TOM1: variants seen among roughly 807,000 people sequenced by gnomAD.
The protein encoded by TOM1 is target of myb1 membrane trafficking protein, also known as target of Myb protein 1.
Under a neutral mutation model 61.3 loss-of-function variants are expected in TOM1, and 38 were observed. The ratio of observed to expected loss-of-function variants is 0.62; its 90% CI spans 0.48 to 0.81. The LOEUF (loss-of-function observed/expected upper bound fraction) is 0.81, where lower values mean the gene tolerates loss of function less well. Among genes scored for constraint, TOM1 ranks in the 40% least tolerant of loss-of-function variants. TOM1 has a pLI of 0.00. For missense variants in TOM1, 591 were observed against 659.6 expected, an observed-to-expected ratio of 0.90 and a Z score of 1.14; for synonymous variants, 270 against 268.8, an observed-to-expected ratio of 1.00 and a Z score of -0.04.
intron 2 of TOM1, among the ~76,000 whole-genome samples, chr22:35,321,260 G>A (rs1215873855): frequency 1.3e-5 from 2 of 151,990 alleles, no homozygotes; most frequent in African/African-American, 2.4e-5. Flanking sequence ...CCCTTGGGGA[G>A]CATGAGAAGC....
At chr22:35,325,800 C>G (rs1928258872) in intron 6 of TOM1, among the ~76,000 whole-genome samples, 1 of 152,210 alleles carries the variant, frequency 6.6e-6, no homozygotes, top group Non-Finnish European at 1.5e-5. Context: ...CTAAACAAAA[C>G]TAATCTTTGT....
At chr22:35,304,071 G>A (rs928563380) in intron 1 of TOM1, among the ~76,000 whole-genome samples, 8 of 152,154 alleles carry the variant, frequency 5.3e-5, no homozygotes, top group South Asian at 4.1e-4. Flanking sequence ...GACCCTGTGC[G>A]GTTTTGCTAT....
chr22:35,305,550 C>T (rs768363961), intron 1 of TOM1, among the ~76,000 whole-genome samples: 7 of 151,872 alleles, frequency 4.6e-5, no homozygotes, highest in Admixed American at 6.6e-5. Context: ...GTCCCAGCAA[C>T]TTGGGAGGCT....
At chr22:35,337,402 C>T (rs1175259412) in intron 11 of TOM1, among the ~76,000 whole-genome samples, 1 of 152,164 alleles carries the variant, frequency 6.6e-6, no homozygotes, top group Non-Finnish European at 1.5e-5. Context: ...AACCTGACGC[C>T]CCACCTCCCC....
Position 35,338,768 on chromosome 22 carries a change from C to T in TOM1, c.1204C>T (p.Arg402Trp), listed in dbSNP as rs1473157152. 8 of 1,601,084 alleles carry T rather than the reference C, an allele frequency of 5.0e-6. 1 individual carries two copies. The highest frequency in any genetic ancestry group is 1.7e-4 in the Middle Eastern group (1 of 6,036). Residue 402 changes from arginine to tryptophan, a missense_variant, in exon 12 of 15, where the codon CGG becomes TGG. Arg to Trp is a moderately radical substitution (Grantham distance 101). Transcript: ENST00000449058. Reference sequence around the variant, plus strand: ...CGGCCTGGCTGGAGCCCTGGACGCCCGGCAGCAGAGCACTGGCGCGGTAAG... The same window carrying T: ...CGGCCTGGCTGGAGCCCTGGACGCCTGGCAGCAGAGCACTGGCGCGGTAAG... Reference protein sequence around the residue: ...TDGLAGALDARQQSTGAIPVT... With the variant: ...TDGLAGALDAWQQSTGAIPVT...
rs955153093 is a variant in TOM1 at position 35,323,454 on chromosome 22, G to A, written c.367-42G>A. The A allele has an allele frequency of 6.2e-7, 1 of 1,608,794 alleles. No homozygotes were observed. On this transcript the variant is annotated intron_variant, in intron 4 of 14. Coordinates refer to ENST00000449058, the MANE Select transcript of TOM1 (RefSeq NM_005488.3). This position sits in a 1 kb window ranked among gnomAD's most constrained non-coding sequence, Gnocchi z 4.2. Reference sequence around the variant, plus strand: ...GAGTGCCAGGTGGGCAGGCTCACAGGTGAGCTGTGGTTACCGGCTGTGTCC... The same window carrying A: ...GAGTGCCAGGTGGGCAGGCTCACAGATGAGCTGTGGTTACCGGCTGTGTCC...
Position 35,323,928 on chromosome 22 carries a change from GGGTCAGA to G in TOM1, c.648+15_648+21del. ...ACCCCGGAACAGGTAAACGAGCCTGGGGTCAGAACCGTCAGGTCCAGGCAGGTGGGCC... is the reference window on the plus strand; with the variant it reads ...ACCCCGGAACAGGTAAACGAGCCTGGACCGTCAGGTCCAGGCAGGTGGGCC... On this transcript the variant is annotated intron_variant, in intron 6 of 14. Transcript: ENST00000449058. The surrounding 1 kb of genome is among the most constrained non-coding windows in gnomAD (Gnocchi z 4.2). 6.5e-7 allele frequency: 1 copy of G among 1,538,336 alleles called. No individual in the cohort carries two copies. The highest frequency in any genetic ancestry group is 8.8e-7 in the Non-Finnish European group (1 of 1,140,102).
At chr22:35,300,534 G>T (rs1282406256) in intron 1 of TOM1, among the ~76,000 whole-genome samples, 3 of 152,238 alleles carry the variant, frequency 2.0e-5, no homozygotes, top group African/African-American at 7.2e-5. Flanking sequence ...GGACGTGTCC[G>T]CCTGGGCTCT....
intron 2 of TOM1, among the ~76,000 whole-genome samples, chr22:35,320,567 T>C (rs1927682141): frequency 6.6e-6 from 1 of 152,102 alleles, no homozygotes; most frequent in Non-Finnish European, 1.5e-5. Context: ...GGCTCTGACC[T>C]TGACCCAAAC....
At chr22:35,345,879 A>G in intron 13 of TOM1, 95 bp downstream of exon 13, 1 of 1,297,842 alleles carries the variant, frequency 7.7e-7, no homozygotes, top group African/African-American at 1.5e-5. Context: ...TATATAGCAT[A>G]TAGCACCCTG....
Position 35,323,079 on chromosome 22 carries a change from G to GC in TOM1, c.270dup (p.Ser91GlnfsTer25). On this transcript the variant is annotated frameshift_variant, in exon 4 of 15. Coordinates refer to ENST00000449058, the MANE Select transcript of TOM1 (RefSeq NM_005488.3). LOFTEE classifies it high-confidence loss of function. This position sits in a 1 kb window ranked among gnomAD's most constrained non-coding sequence, Gnocchi z 4.2. ...CGGGCACCGCTTCCACGTGCTGGTG[G>GC]CCAGCCAGGACTTCGTGGAGAGTGT... 1 of 1,614,144 alleles carries GC rather than the reference G, an allele frequency of 6.2e-7. No individual in the cohort carries two copies. Among genetic ancestry groups the GC allele is most frequent in the Non-Finnish European group, 8.5e-7 (1 of 1,180,032 alleles).
chr22:35,330,673 C>T (rs1049896095), intron 8 of TOM1, among the ~76,000 whole-genome samples, 193 bp downstream of exon 8: 20 of 152,190 alleles, frequency 1.3e-4, no homozygotes, highest in African/African-American at 3.9e-4. Context: ...CTTCCAGCCG[C>T]CCTGTATCTC....
intron 1 of TOM1, among the ~76,000 whole-genome samples, chr22:35,316,858 G>A (rs1006724507): frequency 6.6e-6 from 1 of 152,114 alleles, no homozygotes; most frequent in Non-Finnish European, 1.5e-5. Flanking sequence ...ATACCTTGCC[G>A]TGCTGATACC....
Position 35,323,686 on chromosome 22 carries a change from A to G in TOM1, c.501+56A>G. The G allele has an allele frequency of 6.2e-7, 1 of 1,610,606 alleles. No homozygotes were observed. The highest frequency in any genetic ancestry group is 8.5e-7 in the Non-Finnish European group (1 of 1,177,248). Reference sequence around the variant, plus strand: ...GAAGGGAGGCAGGACTCATCCCCAGAGACATCACCAGGCTGGCCCCTGACT... The same window carrying G: ...GAAGGGAGGCAGGACTCATCCCCAGGGACATCACCAGGCTGGCCCCTGACT... On this transcript the variant is annotated intron_variant, in intron 5 of 14. Coordinates refer to ENST00000449058, the MANE Select transcript of TOM1 (RefSeq NM_005488.3). This position sits in a 1 kb window ranked among gnomAD's most constrained non-coding sequence, Gnocchi z 4.2.
intron 1 of TOM1, among the ~76,000 whole-genome samples, chr22:35,305,630 A>G (rs1419912907): frequency 6.6e-6 from 1 of 150,724 alleles, no homozygotes; most frequent in Non-Finnish European, 1.5e-5. Context: ...GCTGCACTCT[A>G]GCCTGGTGAC....
intron 1 of TOM1, among the ~76,000 whole-genome samples, chr22:35,313,351 A>C (rs1247146500): frequency 6.6e-6 from 1 of 151,966 alleles, no homozygotes; most frequent in Non-Finnish European, 1.5e-5. Context: ...TCTCAAAAAA[A>C]AAAAAGAAAG....
intron 3 of TOM1, chr22:35,322,762 G>C (rs757949241): frequency 8.7e-6 from 4 of 462,328 alleles, no homozygotes; most frequent in African/African-American, 2.0e-5. Context: ...ACAGCATTGG[G>C]ATTCTGCGTG....
At chr22:35,342,885 C>CCA (rs369817715) in intron 12 of TOM1, among the ~76,000 whole-genome samples, 1 of 144,834 alleles carries the variant, frequency 6.9e-6, no homozygotes, top group African/African-American at 2.6e-5. Flanking sequence ...CCTACACACA[C>CCA]CACACACACA....
At chr22:35,320,507 C>T (rs553061865) in intron 2 of TOM1, among the ~76,000 whole-genome samples, 20 of 152,242 alleles carry the variant, frequency 1.3e-4, no homozygotes, top group African/African-American at 4.6e-4. Context: ...GTGGCCTCCT[C>T]TTAGTTCCTC....
Sources: allele counts gnomAD v4.1 joint callset (sites outside exome capture counted in the v4.1 genomes callset), GRCh38; gene constraint gnomAD v4.1.1; non-coding constraint Gnocchi (gnomAD v3.1); transcripts MANE v1.5; gene names NCBI Gene and HGNC (gene_info 2026-07-23, HGNC 2026-07-21).